The following SPDYE3 variants were observed in gnomAD, a reference collection of about 807,000 sequenced individuals.
SPDYE3 encodes speedy protein E3.
Under a neutral mutation model 55.0 loss-of-function variants are expected in SPDYE3, and 15 were observed. That is an observed-to-expected ratio of 0.27 (90% CI 0.18 to 0.42). The LOEUF is 0.42. SPDYE3 is among the 10% of genes least tolerant of loss of function. The probability of loss-of-function intolerance (pLI) is 1.00; values close to 1 mark genes in which losing one functional copy is unlikely to be tolerated. For synonymous variants in SPDYE3, 89 were observed against 229.9 expected (o/e 0.39, Z 5.55); for missense variants, 236 against 576.7 (o/e 0.41, Z 6.05).
In SPDYE3 at chr7:100,319,686, C is replaced by T. The variant is rs755684175; in HGVS notation, c.1468C>T (p.Arg490Cys). The change falls in exon 9 of 11, where the codon CGT becomes TGT. Residue 490 changes from arginine (R) to cysteine (C), a missense_variant. Transcript: ENST00000332397. ...LRPKHWFQLC[R>C]PMNPRARKNC... ...CCCTAAGCATTGGTTCCAGTTATGC[C>T]GTCCCATGAACCCGAGGGCCAGGAA... The T allele has an allele frequency of 3.7e-6, 6 of 1,614,076 alleles. No individual in the cohort carries two copies. The highest frequency in any genetic ancestry group is 3.3e-5 in the Admixed American group (2 of 59,996).
chr7:100,316,820 C>T (rs2129972511), intron 7 of SPDYE3, among the ~76,000 whole-genome samples: 1 of 152,242 alleles, frequency 6.6e-6, no homozygotes, highest in Middle Eastern at 3.4e-3. Context: ...AGACACACCC[C>T]CTCCAAAGAT....
chr7:100,320,101 A>G, intron 10 of SPDYE3, 66 bp downstream of exon 10: 2 of 1,567,654 alleles, frequency 1.3e-6, no homozygotes, highest in Non-Finnish European at 1.7e-6. Flanking sequence ...CAAGGAACCC[A>G]ATTGCTTGAT....
intron 7 of SPDYE3, among the ~76,000 whole-genome samples, chr7:100,316,583 C>T (rs1053251222): frequency 8.5e-5 from 13 of 152,220 alleles, no homozygotes; most frequent in African/African-American, 2.9e-4. Flanking sequence ...AGCCGCCACT[C>T]CCGGCTATTC....
At chr7:100,317,291 T>C in intron 8 of SPDYE3, 136 bp downstream of exon 8, 2 of 1,473,842 alleles carry the variant, frequency 1.4e-6, no homozygotes, top group Non-Finnish European at 9.4e-7. Context: ...AGGATTATAG[T>C]ATCTTAGACT....
At chr7:100,308,525 A>T (rs1430724421) in intron 1 of SPDYE3, among the ~76,000 whole-genome samples, 2 of 151,820 alleles carry the variant, frequency 1.3e-5, no homozygotes, top group South Asian at 4.1e-4. Flanking sequence ...CCTGGCCAAC[A>T]TGGCGAAACC....
chr7:100,309,433 G>A (rs1425036595), intron 2 of SPDYE3, among the ~76,000 whole-genome samples: 9 of 129,634 alleles, frequency 6.9e-5, no homozygotes, highest in South Asian at 2.5e-4. Flanking sequence ...TGTGGCTCCC[G>A]CCTGAGATCC....
chr7:100,311,537 A>G (rs1036982518), intron 3 of SPDYE3, among the ~76,000 whole-genome samples: 1 of 138,872 alleles, frequency 7.2e-6, no homozygotes, highest in African/African-American at 2.7e-5. Flanking sequence ...AGGGAAGGAT[A>G]TGACGCAGTG....
chr7:100,318,602 C>T (rs1442084358), intron 8 of SPDYE3, among the ~76,000 whole-genome samples: 1 of 152,204 alleles, frequency 6.6e-6, no homozygotes, highest in East Asian at 1.9e-4. Flanking sequence ...CCGTAGCTCT[C>T]CAGTTACATC....
intron 10 of SPDYE3, 92 bp downstream of exon 10, chr7:100,320,127 G>C: frequency 1.3e-6 from 2 of 1,553,492 alleles, no homozygotes; most frequent in Non-Finnish European, 1.7e-6. Flanking sequence ...TTCAAGCCTC[G>C]GCAACGTGGC....
At chr7:100,318,495 AC>A (rs1475861107) in intron 8 of SPDYE3, among the ~76,000 whole-genome samples, 1 of 152,126 alleles carries the variant, frequency 6.6e-6, no homozygotes, top group Non-Finnish European at 1.5e-5. Context: ...TGGGTGTCCC[AC>A]ACACATGTGG....
intron 8 of SPDYE3, among the ~76,000 whole-genome samples, chr7:100,317,789 C>A (rs1360482073): frequency 1.3e-5 from 2 of 150,118 alleles, no homozygotes; most frequent in African/African-American, 2.4e-5. Flanking sequence ...CATGGTGAAA[C>A]CCTGTCTCCA....
At chr7:100,310,152 G>A (rs1307276563) in intron 2 of SPDYE3, among the ~76,000 whole-genome samples, 5 of 138,516 alleles carry the variant, frequency 3.6e-5, no homozygotes, top group Non-Finnish European at 8.1e-5. Context: ...ACGATATGAC[G>A]CAGTGTTCTG....
intron 7 of SPDYE3, among the ~76,000 whole-genome samples, chr7:100,316,687 T>C (rs1262440009): frequency 2.0e-5 from 3 of 152,150 alleles, no homozygotes; most frequent in Non-Finnish European, 2.9e-5. Context: ...ATGGGTCCTT[T>C]GGGATCTGAG....
At position 100,321,003 on chromosome 7, in the gene SPDYE3, T is replaced by TGA. The variant is rs1460665912; in HGVS notation, c.*159_*160insAG. Reference sequence around the variant, plus strand: ...TTTGTGCAGATCATCTAGAAGAACCTGGACCATTCTTGACAGAGCTGAATA... The same window carrying TGA: ...TTTGTGCAGATCATCTAGAAGAACCTGAGGACCATTCTTGACAGAGCTGAATA... On this transcript the variant is annotated 3_prime_UTR_variant, in exon 11 of 11. Transcript: ENST00000332397. 1 of 1,192,708 alleles carries TGA rather than the reference T, an allele frequency of 8.4e-7. No individual in the cohort carries two copies. Among genetic ancestry groups the TGA allele is most frequent in the East Asian group, 4.7e-5 (1 of 21,218 alleles). The allele number at this position is 1,192,708 out of a possible 1,614,324, so 73.9% of individuals were successfully genotyped here.
intron 10 of SPDYE3, 67 bp downstream of exon 10, chr7:100,320,102 A>G: frequency 2.6e-6 from 4 of 1,567,426 alleles, no homozygotes; most frequent in Non-Finnish European, 2.6e-6. Flanking sequence ...AAGGAACCCA[A>G]TTGCTTGATC....
intron 6 of SPDYE3, 126 bp from the exon 7 acceptor site, chr7:100,315,659 A>G: frequency 1.4e-6 from 2 of 1,476,542 alleles, no homozygotes; most frequent in Non-Finnish European, 1.9e-6. Flanking sequence ...CCCCTCTCCC[A>G]TCCACCTCAC....
chr7:100,315,887 G>A (rs752859355), intron 7 of SPDYE3, 44 bp downstream of exon 7: 6 of 1,597,972 alleles, frequency 3.8e-6, no homozygotes, highest in South Asian at 1.1e-5. Flanking sequence ...TCTAACGCAC[G>A]GCCAGGGGGA....
Position 100,315,861 on chromosome 7 carries a change from G to A in SPDYE3, c.1260+18G>A. Reference sequence around the variant, plus strand: ...CAGACAAGGTAAGGTTGTTCTCTATGTAACTGTGTTCCTGTTCTAACGCAC... The same window carrying A: ...CAGACAAGGTAAGGTTGTTCTCTATATAACTGTGTTCCTGTTCTAACGCAC... On this transcript the variant is annotated intron_variant, in intron 7 of 10. Coordinates refer to ENST00000332397, the MANE Select transcript of SPDYE3 (RefSeq NM_001004351.5). 6 of 1,599,710 alleles carry A rather than the reference G, an allele frequency of 3.8e-6. No individual in the cohort carries two copies. Among genetic ancestry groups the A allele is most frequent in the Non-Finnish European group, 5.1e-6 (6 of 1,179,674 alleles).
At chr7:100,308,133 C>G (rs1367979520) in intron 1 of SPDYE3, 142 bp downstream of exon 1, 2 of 1,125,402 alleles carry the variant, frequency 1.8e-6, no homozygotes, top group South Asian at 3.2e-5. Context: ...AGTTCAAGAC[C>G]AGCCTGGCCA....
Sources: gnomAD v4.1 joint callset for allele counts (sites outside exome capture counted in the v4.1 genomes callset) on GRCh38, gnomAD v4.1.1 for gene constraint, MANE v1.5 for transcripts, NCBI Gene and HGNC (gene_info 2026-07-23, HGNC 2026-07-21) for gene names.